Variants in KANK1 observed in about 807,000 individuals in gnomAD.
KANK1 encodes the protein KN motif and ankyrin repeat domain-containing protein 1.
Under a neutral mutation model 106.2 loss-of-function variants are expected in KANK1, and 109 were observed. That is an observed-to-expected ratio of 1.03 (90% CI 0.88 to 1.20). The LOEUF is 1.20. Ranked by LOEUF, KANK1 falls within the 50% of genes most tolerant of loss-of-function variation. The pLI is 0.00. For missense variants in KANK1, 2,399 were observed against 1,710.7 expected, an observed-to-expected ratio of 1.40 and a Z score of -7.10; for synonymous variants, 873 against 652.2, an observed-to-expected ratio of 1.34 and a Z score of -5.16.
intron 1 of KANK1, among the ~76,000 whole-genome samples, chr9:513,040 C>T (rs1241916769): frequency 6.6e-6 from 1 of 152,194 alleles, no homozygotes; most frequent in African/African-American, 2.4e-5. Context: ...AGAAAAGCAG[C>T]TTCAAATGGT....
intron 7 of KANK1, among the ~76,000 whole-genome samples, chr9:735,068 G>A (rs1206153174): frequency 6.6e-6 from 1 of 152,190 alleles, no homozygotes; most frequent in Admixed American, 6.5e-5. Flanking sequence ...ACTTTTCCTG[G>A]GGTGGAGGCA....
At chr9:658,826 GCTGTTC>G (rs1011343224) in intron 1 of KANK1, among the ~76,000 whole-genome samples, 16 of 152,188 alleles carry the variant, frequency 1.1e-4, no homozygotes, top group South Asian at 1.0e-3. Context: ...TGGGCTGTAT[GCTGTTC>G]CTGGGACCAT....
At chr9:619,271 G>T (rs111743496) in intron 1 of KANK1, among the ~76,000 whole-genome samples, 3 of 152,260 alleles carry the variant, frequency 2.0e-5, no homozygotes, top group African/African-American at 7.2e-5. Flanking sequence ...TATATTTCAA[G>T]CCACACAGTA....
intron 1 of KANK1, among the ~76,000 whole-genome samples, chr9:634,167 T>G (rs1178707721): frequency 6.6e-6 from 1 of 152,110 alleles, no homozygotes; most frequent in Non-Finnish European, 1.5e-5. Context: ...GAAAATGGAG[T>G]TATTATTCAA....
At chr9:663,277 G>C (rs966785846) in intron 1 of KANK1, among the ~76,000 whole-genome samples, 1 of 152,120 alleles carries the variant, frequency 6.6e-6, no homozygotes, top group African/African-American at 2.4e-5. Context: ...TGCTTAAATA[G>C]GTAAAAGCAC....
chr9:518,788 C>G (rs2059414841), intron 1 of KANK1, among the ~76,000 whole-genome samples: 1 of 151,654 alleles, frequency 6.6e-6, no homozygotes, highest in African/African-American at 2.4e-5. Context: ...AGGTGGAACT[C>G]TGGCAGGAAG....
intron 3 of KANK1, among the ~76,000 whole-genome samples, chr9:720,032 A>C (rs934279054): frequency 2.0e-5 from 3 of 152,198 alleles, no homozygotes; most frequent in Non-Finnish European, 4.4e-5. Flanking sequence ...TATAAAAGCT[A>C]AGTGCACTTC....
rs139534827 is a variant in KANK1, at chr9:538,530, T to C, written c.-84+33776T>C. ...GGCTGGAGCAGTTTTTAAAACTAAA[T>C]TGACAGCAACTAGTTCAAGTTGGAA... On this transcript the variant is annotated intron_variant, in intron 1 of 11. Transcript: ENST00000382297. Among the ~76,000 whole-genome samples, 557 of 152,332 alleles carry C rather than the reference T, an allele frequency of 3.7e-3. 3 individuals carry two copies. The highest frequency in any genetic ancestry group is 0.013 in the African/African-American group (542 of 41,574).
At chr9:688,904 A>G (rs1347063085) in intron 2 of KANK1, among the ~76,000 whole-genome samples, 1 of 152,148 alleles carries the variant, frequency 6.6e-6, no homozygotes, top group African/African-American at 2.4e-5. Flanking sequence ...CCCTGGGGGT[A>G]TGGCTGGCTG....
At chr9:645,439 T>TAAA (rs376740141) in intron 1 of KANK1, among the ~76,000 whole-genome samples, 5 of 70,224 alleles carry the variant, frequency 7.1e-5, no homozygotes, top group Admixed American at 1.7e-4. Context: ...GACTGTGTCT[T>TAAA]AAAAAAAAAA....
chr9:711,571 A>G lies in KANK1; in HGVS notation c.805A>G (p.Ile269Val), dbSNP rs1246104864. 4.3e-6 allele frequency: 7 copies of G among 1,614,070 alleles called. No homozygotes were observed. The Admixed American group carries it at 5.0e-5, about 12-fold the overall frequency. ...GCAGCACATCCGCGAGCAGATGGCC[A>G]TTGCTCTGAAACGCCTGAAGGAGCT... ...HLQHIREQMAIALKRLKELEE... is the reference protein window; with the variant it reads ...HLQHIREQMAVALKRLKELEE... The change falls in exon 3 of 12, where the codon ATT becomes GTT. Residue 269 changes from isoleucine (I) to valine (V), a missense_variant. Ile to Val is a conservative substitution (Grantham distance 29). Transcript: ENST00000382297.
chr9:641,640 A>G (rs1838456347), intron 1 of KANK1, among the ~76,000 whole-genome samples: 1 of 152,180 alleles, frequency 6.6e-6, no homozygotes, highest in Non-Finnish European at 1.5e-5. Context: ...TCCTTTGTTG[A>G]TGGAGGAATG....
intron 7 of KANK1, among the ~76,000 whole-genome samples, chr9:736,078 C>T (rs1833723426): frequency 6.6e-6 from 1 of 152,156 alleles, no homozygotes; most frequent in Non-Finnish European, 1.5e-5. Flanking sequence ...CTGCCTCACC[C>T]TCCCCAGTAG....
intron 2 of KANK1, among the ~76,000 whole-genome samples, chr9:683,807 G>C (rs1279233738): frequency 1.3e-5 from 2 of 152,152 alleles, no homozygotes; most frequent in Non-Finnish European, 2.9e-5. Flanking sequence ...GTATTAGTGT[G>C]TTTAATAATT....
intron 1 of KANK1, among the ~76,000 whole-genome samples, chr9:600,011 C>CA (rs529702022): frequency 1.3e-5 from 2 of 151,036 alleles, no homozygotes; most frequent in African/African-American, 2.4e-5. Context: ...ATTGCTGAGG[C>CA]AAAAAAAATT....
intron 3 of KANK1, among the ~76,000 whole-genome samples, chr9:487,141 G>A (rs1159822549): frequency 1.3e-5 from 2 of 152,144 alleles, no homozygotes; most frequent in East Asian, 1.9e-4. Flanking sequence ...CTGCAGGCAC[G>A]GAGAACAGCT....
At chr9:660,733 G>A (rs1248997422) in intron 1 of KANK1, among the ~76,000 whole-genome samples, 8 of 152,184 alleles carry the variant, frequency 5.3e-5, no homozygotes, top group Admixed American at 3.3e-4. Context: ...AGAGGATGGG[G>A]TAAGGCAGCA....
intron 3 of KANK1, among the ~76,000 whole-genome samples, 162 bp downstream of exon 3, chr9:713,626 T>C (rs1358498279): frequency 1.3e-5 from 2 of 152,168 alleles, no homozygotes; most frequent in East Asian, 3.8e-4. Context: ...TCAAAATCCA[T>C]AAGCACCTCT....
At chr9:545,032 G>C (rs935314415) in intron 1 of KANK1, among the ~76,000 whole-genome samples, 9 of 151,660 alleles carry the variant, frequency 5.9e-5, no homozygotes, top group Admixed American at 2.0e-4. Flanking sequence ...GCTGACCTTG[G>C]GGCTAGAAAA....
Sources: gnomAD v4.1 joint callset for allele counts (sites outside exome capture counted in the v4.1 genomes callset) on GRCh38, gnomAD v4.1.1 for gene constraint, MANE v1.5 for transcripts, NCBI Gene and HGNC (gene_info 2026-07-23, HGNC 2026-07-21) for gene names.